The following NRIP1 variants were observed in gnomAD, a reference collection of about 807,000 sequenced individuals.
NRIP1 encodes nuclear receptor-interacting protein 1.
NRIP1 carries 28 observed loss-of-function variants against 75.0 expected under a neutral mutation model. The observed-to-expected ratio is 0.37, with a 90% CI of 0.28 to 0.51. The LOEUF is 0.51. Ranked by LOEUF, NRIP1 falls within the 20% of genes least tolerant of loss-of-function variation. NRIP1 has a pLI of 0.92. For missense variants in NRIP1, 1,435 were observed against 1,343.7 expected (o/e 1.07, Z -1.06); for synonymous variants, 526 against 487.6 (o/e 1.08, Z -1.04).
chr21:14,986,259 A>C lies in NRIP1; in HGVS notation c.-334-17733T>G, dbSNP rs1052706402. On this transcript the variant is annotated intron_variant, in intron 3 of 3. Transcript: ENST00000318948. ...TAAAAACAGTATCTTAACTAAAGTG[A>C]TTAATTATGAAAAAAGTAGTGAAAT... is the stretch of plus-strand genomic sequence containing the variant. 2.0e-5 allele frequency among the ~76,000 whole-genome samples: 3 copies of C among 152,244 alleles called. 1 individual carries two copies. The highest frequency in any genetic ancestry group is 2.9e-5 in the Non-Finnish European group (2 of 68,036).
At chr21:15,009,668 A>C (rs1367591860) in intron 3 of NRIP1, among the ~76,000 whole-genome samples, 1 of 152,248 alleles carries the variant, frequency 6.6e-6, no homozygotes, top group African/African-American at 2.4e-5. Flanking sequence ...AATGGCATAG[A>C]GTATGTTCTA....
chr21:15,013,108 A>G lies in NRIP1; in HGVS notation c.-335+1236T>C, dbSNP rs551139406. Among the ~76,000 whole-genome samples, 112 of 152,284 alleles carry G rather than the reference A, an allele frequency of 7.4e-4. 4 individuals are homozygous for G. The highest frequency in any genetic ancestry group is 7.3e-3 in the Admixed American group (112 of 15,300). ...GATTAACACCTAATTATATCTGAATAAAAAAATTTTAGTATTTACAAATAA... is the reference window on the plus strand; with the variant it reads ...GATTAACACCTAATTATATCTGAATGAAAAAATTTTAGTATTTACAAATAA... On this transcript the variant is annotated intron_variant, in intron 3 of 3. Transcript: ENST00000318948.
intron 1 of NRIP1, chr21:15,050,548 G>A: frequency 2.8e-6 from 1 of 352,684 alleles, no homozygotes; most frequent in Non-Finnish European, 5.6e-6. Flanking sequence ...AACTGAAAAT[G>A]AACTATACTA....
chr21:15,048,230 A>G (rs1042270620), intron 1 of NRIP1, among the ~76,000 whole-genome samples: 2 of 152,252 alleles, frequency 1.3e-5, no homozygotes, highest in Non-Finnish European at 2.9e-5. Context: ...ACATGACCAC[A>G]AAGACACAAA....
At chr21:14,991,929 A>C (rs2087582951) in intron 3 of NRIP1, among the ~76,000 whole-genome samples, 1 of 152,324 alleles carries the variant, frequency 6.6e-6, no homozygotes, top group South Asian at 2.1e-4. Flanking sequence ...CCTCATCCAG[A>C]ATTAAAAAGC....
upstream of NRIP1, chr21:15,065,009 G>A (rs1978757628): frequency 6.5e-6 from 1 of 153,462 alleles, no homozygotes; most frequent in Non-Finnish European, 1.4e-5. Flanking sequence ...CTGCGAGGCT[G>A]ACTTTGAGCG....
chr21:15,024,341 G>A (rs1400264397), intron 2 of NRIP1, among the ~76,000 whole-genome samples: 1 of 152,086 alleles, frequency 6.6e-6, no homozygotes, highest in Non-Finnish European at 1.5e-5. Flanking sequence ...TCAGGAGTTC[G>A]AGACCAGCCT....
Position 14,966,434 on chromosome 21 carries a change from G to A in NRIP1, c.1759C>T (p.Gln587Ter). The A allele has an allele frequency of 6.2e-7, 1 of 1,614,056 alleles. No homozygotes were observed. The highest frequency in any genetic ancestry group is 8.5e-7 in the Non-Finnish European group (1 of 1,179,968). ...WNSPPYVCST[Q>*]SEKLTNTASN... The stretch of plus-strand genomic sequence containing the variant: ...GCAGTATTTGTTAGCTTTTCAGACT[G>A]AGTACTGCAGACATATGGTGGGGAA... Residue 587 changes from glutamine to a stop codon, truncating the protein, a stop_gained, in exon 4 of 4, where the codon CAG (glutamine) becomes TAG (stop). Coordinates refer to ENST00000318948, the MANE Select transcript of NRIP1 (RefSeq NM_003489.4). LOFTEE classifies it high-confidence loss of function.
intron 1 of NRIP1, among the ~76,000 whole-genome samples, chr21:15,044,005 G>T (rs565796044): frequency 1.3e-5 from 2 of 152,178 alleles, no homozygotes; most frequent in Non-Finnish European, 2.9e-5. Flanking sequence ...TTTTAGTAGA[G>T]ACGAGTTTTC....
In NRIP1 at chr21:15,050,456, C is replaced by T. The variant is rs138972177; in HGVS notation, c.-537-6882G>A. On this transcript the variant is annotated intron_variant, in intron 1 of 3. Coordinates refer to ENST00000318948, the MANE Select transcript of NRIP1 (RefSeq NM_003489.4). The stretch of plus-strand genomic sequence containing the variant: ...CACATAATATTGGGATCTTCCCTTT[C>T]CTTGAATTTCAGAATATGTTGGAGC... The T allele has an allele frequency of 3.3e-3, 1,033 of 314,666 alleles. 24 individuals are homozygous for T. Among genetic ancestry groups the T allele is most frequent in the Admixed American group, 0.033 (714 of 21,882 alleles). 19.5% of individuals were successfully genotyped at this position (314,666 alleles called of 1,614,324 possible). A position where few individuals can be genotyped will look rare whatever the true frequency, so the allele number is the denominator to read the frequency against.
At position 15,019,470 on chromosome 21, in the gene NRIP1, C is replaced by CTTTTTTTTTTTTTTTTTTTT. The variant is rs539278321; in HGVS notation, c.-457-5024_-457-5005dup. 1.3e-4 allele frequency among the ~76,000 whole-genome samples: 5 copies of CTTTTTTTTTTTTTTTTTTTT among 38,696 alleles called. 2 individuals are homozygous for CTTTTTTTTTTTTTTTTTTTT. In the East Asian group the frequency reaches 2.8e-3, roughly 21 times the overall value. 25.4% of individuals were successfully genotyped at this position (38,696 alleles called of 152,430 possible). A position where few individuals can be genotyped will look rare whatever the true frequency, so the allele number is the denominator to read the frequency against. On this transcript the variant is annotated intron_variant, in intron 2 of 3. Transcript: ENST00000318948. ...ACAAGATCCACAAACAACTGCATTT[C>CTTTTTTTTTTTTTTTTTTTT]TTTTTTTTTTTTTTTTTTTTTTTTT...
chr21:15,010,587 T>A (rs1344940810), intron 3 of NRIP1, among the ~76,000 whole-genome samples: 1 of 152,244 alleles, frequency 6.6e-6, no homozygotes, highest in Admixed American at 6.5e-5. Flanking sequence ...ATTGTATTAA[T>A]GTTTCCCATA....
At chr21:15,015,750 G>C (rs2088212119) in intron 2 of NRIP1, among the ~76,000 whole-genome samples, 1 of 152,000 alleles carries the variant, frequency 6.6e-6, no homozygotes, top group African/African-American at 2.4e-5. Flanking sequence ...TTGAATTTTT[G>C]TTTTAAACAA....
intron 2 of NRIP1, among the ~76,000 whole-genome samples, chr21:15,033,142 G>A (rs150628276): frequency 0.013 from 1,906 of 150,774 alleles, 34 homozygotes; most frequent in African/African-American, 0.043. Flanking sequence ...GGAGAATGGC[G>A]TGAACCTGGG....
chr21:15,010,412 T>C (rs188638037), intron 3 of NRIP1, among the ~76,000 whole-genome samples: 4 of 151,282 alleles, frequency 2.6e-5, no homozygotes, highest in East Asian at 1.9e-4. Flanking sequence ...TGAGTTGATA[T>C]GGAGGCTTCG....
At chr21:15,025,303 G>T (rs375107283) in intron 2 of NRIP1, among the ~76,000 whole-genome samples, 27 of 152,156 alleles carry the variant, frequency 1.8e-4, no homozygotes, top group African/African-American at 5.8e-4. Context: ...GTACAAAAAG[G>T]GAAGGAAATA....
chr21:15,041,433 T>C (rs1273698441), intron 2 of NRIP1, among the ~76,000 whole-genome samples: 1 of 152,112 alleles, frequency 6.6e-6, no homozygotes, highest in Non-Finnish European at 1.5e-5. Flanking sequence ...AGCTAGCAAA[T>C]AAGGGTGTCT....
chr21:14,983,335 T>C (rs891832827), intron 3 of NRIP1, among the ~76,000 whole-genome samples: 3 of 152,120 alleles, frequency 2.0e-5, no homozygotes, highest in Non-Finnish European at 4.4e-5. Flanking sequence ...GGATTTAAGA[T>C]CAAACCAGCT....
intron 2 of NRIP1, among the ~76,000 whole-genome samples, chr21:15,037,568 G>C (rs2248589): frequency 6.6e-6 from 1 of 152,000 alleles, no homozygotes; most frequent in East Asian, 1.9e-4. Flanking sequence ...TCAACCACTA[G>C]GAGAAAGTAG....
Sources: gnomAD v4.1 joint callset for allele counts (sites outside exome capture counted in the v4.1 genomes callset) on GRCh38, gnomAD v4.1.1 for gene constraint, MANE v1.5 for transcripts, NCBI Gene and HGNC (gene_info 2026-07-23, HGNC 2026-07-21) for gene names.